Variants in ZNF676 observed in about 807,000 individuals in gnomAD.
ZNF676 encodes zinc finger protein 676.
A neutral mutation model predicts 6.0 loss-of-function variants in ZNF676; 4 were observed. The observed-to-expected ratio is 0.67, with a 90% CI of 0.33 to 1.53. The LOEUF (loss-of-function observed/expected upper bound fraction) is 1.53, where lower values mean the gene tolerates loss of function less well. Among genes scored for constraint, ZNF676 ranks in the 40% most tolerant of loss-of-function variants. The pLI is 0.06. For synonymous variants in ZNF676, 198 were observed against 223.1 expected, an observed-to-expected ratio of 0.89 and a Z score of 1.00; for missense variants, 644 against 679.7, an observed-to-expected ratio of 0.95 and a Z score of 0.58.
chr19:22,193,087 A>C lies in ZNF676; in HGVS notation c.59T>G (p.Leu20Arg). ...TTTTCCTTGCTCCAGAAAAATGATC[A>C]GGTCTGGCTTAAAGGCAGCAATACC... ...FLGIAAFKPD[L>R]IIFLEQGKEP... The change falls in exon 2 of 3, where the codon CTG (leucine) becomes CGG (arginine). Residue 20 changes from leucine (L) to arginine (R), a missense_variant. Leu to Arg is a moderately radical substitution (Grantham distance 102). Coordinates refer to ENST00000397121, the MANE Select transcript of ZNF676 (RefSeq NM_001001411.3). 1 of 1,606,746 alleles carries C rather than the reference A, an allele frequency of 6.2e-7. No homozygotes were observed. The highest frequency in any genetic ancestry group is 8.5e-7 in the Non-Finnish European group (1 of 1,177,624).
chr19:22,235,038 A>AAAG, the ZNF676 span, among the ~76,000 whole-genome samples: 9 of 150,438 alleles, frequency 6.0e-5, no homozygotes, highest in African/African-American at 2.2e-4. Context: ...GAAAGAAAAG[A>AAAG]AAAGAAGGAA....
At chr19:22,254,994 C>T in the ZNF676 span, among the ~76,000 whole-genome samples, 205 of 152,320 alleles carry the variant, frequency 1.3e-3, 5 homozygotes, top group South Asian at 0.039. Flanking sequence ...ATGAGATTAA[C>T]GATCCCATAC....
At chr19:22,196,353 A>C (rs775967039) in intron 1 of ZNF676, among the ~76,000 whole-genome samples, 19 of 152,054 alleles carry the variant, frequency 1.2e-4, no homozygotes, top group Non-Finnish European at 2.2e-4. Context: ...GGCCTGCATT[A>C]AGTCAAGCAG....
the ZNF676 span, among the ~76,000 whole-genome samples, chr19:22,233,237 A>C: frequency 4.0e-3 from 611 of 152,300 alleles, 5 homozygotes; most frequent in African/African-American, 0.014. Flanking sequence ...CTGGTCTCCT[A>C]GGCTCAAGTG....
chr19:22,251,957 T>A, the ZNF676 span, among the ~76,000 whole-genome samples: 1 of 152,230 alleles, frequency 6.6e-6, no homozygotes, highest in Non-Finnish European at 1.5e-5. Flanking sequence ...TACTTTACTG[T>A]TGTGGATTAT....
upstream of ZNF676, among the ~76,000 whole-genome samples, chr19:22,217,805 G>A (rs2024209315): frequency 6.6e-6 from 1 of 152,082 alleles, no homozygotes; most frequent in Non-Finnish European, 1.5e-5. Flanking sequence ...CCGGGTTCAA[G>A]CGATTCTCCA....
chr19:22,210,693 G>A (rs1268016642), intron 1 of ZNF676, among the ~76,000 whole-genome samples: 2 of 152,046 alleles, frequency 1.3e-5, no homozygotes, highest in East Asian at 3.9e-4. Flanking sequence ...CTACTACACA[G>A]CCAGGAAAAC....
chr19:22,253,285 G>T, the ZNF676 span, among the ~76,000 whole-genome samples: 4 of 150,344 alleles, frequency 2.7e-5, no homozygotes, highest in African/African-American at 4.9e-5. Flanking sequence ...TGTCATAATC[G>T]CACCTCTATA....
At chr19:22,257,339 C>T in the ZNF676 span, among the ~76,000 whole-genome samples, 36 of 152,104 alleles carry the variant, frequency 2.4e-4, no homozygotes, top group Non-Finnish European at 4.0e-4. Context: ...CCCCTCTAGT[C>T]AGGGTCAAGG....
At chr19:22,213,387 C>A (rs2024150092) in intron 1 of ZNF676, among the ~76,000 whole-genome samples, 1 of 152,140 alleles carries the variant, frequency 6.6e-6, no homozygotes, top group African/African-American at 2.4e-5. Flanking sequence ...ATTGTCTGAA[C>A]AGCAATGTGT....
the ZNF676 span, among the ~76,000 whole-genome samples, chr19:22,246,186 C>G: frequency 2.6e-5 from 4 of 152,010 alleles, no homozygotes; most frequent in African/African-American, 9.7e-5. Flanking sequence ...AAGAAAAAAA[C>G]ATATGTCATA....
At chr19:22,238,901 A>G in the ZNF676 span, among the ~76,000 whole-genome samples, 2 of 152,142 alleles carry the variant, frequency 1.3e-5, no homozygotes, top group African/African-American at 4.8e-5. Context: ...AGTTGATTAG[A>G]TTGTGCCCAT....
chr19:22,228,714 G>A, the ZNF676 span, among the ~76,000 whole-genome samples: 2 of 152,048 alleles, frequency 1.3e-5, no homozygotes, highest in African/African-American at 2.4e-5. Context: ...ACCAATAACA[G>A]ACCAACAGAG....
chr19:22,248,485 T>C, the ZNF676 span, among the ~76,000 whole-genome samples: 1 of 152,134 alleles, frequency 6.6e-6, no homozygotes, highest in East Asian at 1.9e-4. Flanking sequence ...TAAAGTATTT[T>C]ATATATATTA....
chr19:22,234,996 G>A, the ZNF676 span, among the ~76,000 whole-genome samples: 6 of 108,916 alleles, frequency 5.5e-5, no homozygotes, highest in East Asian at 1.6e-3. Flanking sequence ...AAGAAAGAAA[G>A]AAAGAAAGAA....
the ZNF676 span, among the ~76,000 whole-genome samples, chr19:22,240,487 A>C: frequency 3.3e-5 from 5 of 151,886 alleles, no homozygotes; most frequent in African/African-American, 1.2e-4. Context: ...TTGTGTGAGC[A>C]GAACATAGGA....
chr19:22,203,965 T>C (rs925507019), intron 1 of ZNF676: 2 of 152,170 alleles, frequency 1.3e-5, no homozygotes, highest in African/African-American at 4.8e-5. Flanking sequence ...GAATGTGAGA[T>C]CTACACTGGA....
In ZNF676 at chr19:22,196,835, T is replaced by G; in HGVS notation, c.-202A>C. 1 of 983,750 alleles carries G rather than the reference T, an allele frequency of 1.0e-6. No individual in the cohort carries two copies. The highest frequency in any genetic ancestry group is 2.4e-5 in the Admixed American group (1 of 42,522). The allele number at this position is 983,750 out of a possible 1,614,324, so 60.9% of individuals were successfully genotyped here. ...TAGAGAGAGCTGGTTCTGACTTATA[T>G]GAATGACTGAAATTATTCAATAAAA... On this transcript the variant is annotated 5_prime_UTR_variant, in exon 1 of 3. Coordinates refer to ENST00000397121, the MANE Select transcript of ZNF676 (RefSeq NM_001001411.3).
chr19:22,238,773 T>TG, the ZNF676 span, among the ~76,000 whole-genome samples: 1 of 152,148 alleles, frequency 6.6e-6, no homozygotes, highest in Non-Finnish European at 1.5e-5. Flanking sequence ...CTGAAGAACT[T>TG]GGAGTCTGAT....
Sources: allele counts gnomAD v4.1 joint callset (sites outside exome capture counted in the v4.1 genomes callset), GRCh38; gene constraint gnomAD v4.1.1; transcripts MANE v1.5; gene names NCBI Gene and HGNC (gene_info 2026-07-23, HGNC 2026-07-21).